Variants in VIT observed in about 807,000 individuals in gnomAD.
The protein encoded by VIT is vitrin.
Under a neutral mutation model 78.0 loss-of-function variants are expected in VIT, and 99 were observed. That is an observed-to-expected ratio of 1.27 (90% CI 1.08 to 1.50). The LOEUF is 1.50. VIT is among the 40% of genes most tolerant of loss of function. VIT has a pLI of 0.00. For synonymous variants in VIT, 374 were observed against 334.3 expected, an observed-to-expected ratio of 1.12 and a Z score of -1.29; for missense variants, 1,126 against 875.3, an observed-to-expected ratio of 1.29 and a Z score of -3.61.
chr2:36,731,430 C>T (rs1012959211), intron 3 of VIT, among the ~76,000 whole-genome samples: 10 of 151,990 alleles, frequency 6.6e-5, no homozygotes, highest in African/African-American at 2.4e-4. Context: ...CCCGCCACCA[C>T]ACCCGGCTAA....
chr2:36,742,247 A>G (rs1228693061), intron 3 of VIT, among the ~76,000 whole-genome samples: 1 of 152,162 alleles, frequency 6.6e-6, no homozygotes, highest in Non-Finnish European at 1.5e-5. Context: ...CAGTCAATAG[A>G]GCATCTACTC....
chr2:36,808,594 C>A lies in VIT; in HGVS notation c.1512C>A (p.Thr504=), dbSNP rs200059174. The part of the protein sequence containing the change: ...CDTDRLACSK[T]CLNSADIGFV... ...CTGACCGCCTGGCCTGCAGCAAGAC[C>A]TGCTTGAACTCGGCTGACATTGGCT... Residue 504 remains threonine, a synonymous_variant, in exon 15 of 16, where the codon ACC becomes ACA. Transcript: ENST00000379242. 5 of 1,614,204 alleles carry A rather than the reference C, an allele frequency of 3.1e-6. No homozygotes were observed. Among genetic ancestry groups the A allele is most frequent in the African/African-American group, 1.3e-5 (1 of 75,056 alleles).
intron 1 of VIT, among the ~76,000 whole-genome samples, chr2:36,703,986 A>T (rs1385921966): frequency 4.7e-5 from 7 of 147,470 alleles, no homozygotes; most frequent in Non-Finnish European, 7.4e-5. Flanking sequence ...GTGCAGTGGC[A>T]CGATCTCGGC....
chr2:36,764,436 C>T (rs1341289571), intron 6 of VIT, among the ~76,000 whole-genome samples: 1 of 152,152 alleles, frequency 6.6e-6, no homozygotes, highest in African/African-American at 2.4e-5. Context: ...AGAAACTTCC[C>T]TAGTACTTGT....
chr2:36,735,657 C>T (rs150042942), intron 3 of VIT, among the ~76,000 whole-genome samples: 49 of 152,374 alleles, frequency 3.2e-4, no homozygotes, highest in African/African-American at 1.2e-3. Flanking sequence ...ACACCAGATG[C>T]TGCCCTGAGG....
chr2:36,736,338 A>C (rs1436086882), intron 3 of VIT, among the ~76,000 whole-genome samples: 5 of 152,212 alleles, frequency 3.3e-5, no homozygotes, highest in African/African-American at 9.6e-5. Context: ...TACTCATTCA[A>C]AAAAGGCCTA....
At chr2:36,716,279 C>A in intron 1 of VIT, 74 bp from the exon 2 acceptor site, 1 of 1,252,402 alleles carries the variant, frequency 8.0e-7, no homozygotes, top group Non-Finnish European at 1.2e-6. Flanking sequence ...TGCAGTCTAT[C>A]CCCACACACT....
chr2:36,779,695 C>T (rs1301819818), intron 9 of VIT, among the ~76,000 whole-genome samples: 1 of 152,204 alleles, frequency 6.6e-6, no homozygotes, highest in African/African-American at 2.4e-5. Context: ...TCAGCTCCCA[C>T]TTGTAAGTGA....
chr2:36,786,995 C>G lies in VIT; in HGVS notation c.911-134C>G, dbSNP rs903900359. On this transcript the variant is annotated intron_variant, in intron 11 of 15. Coordinates refer to ENST00000379242, the MANE Select transcript of VIT (RefSeq NM_053276.4). ...CCTGTGGGATGTAAATAAATATACC[C>G]TGCATCTTCCTACCTCTTTTTCCCT... The G allele has an allele frequency of 5.8e-5, 65 of 1,118,222 alleles. No individual in the cohort carries two copies. The Admixed American group carries it at 1.2e-3, about 20-fold the overall frequency. The allele number at this position is 1,118,222 out of a possible 1,614,324, so 69.3% of individuals were successfully genotyped here. A position where few individuals can be genotyped will look rare whatever the true frequency, so the allele number is the denominator to read the frequency against.
intron 7 of VIT, among the ~76,000 whole-genome samples, chr2:36,770,946 C>T (rs1002537355): frequency 1.8e-4 from 27 of 152,164 alleles, no homozygotes; most frequent in African/African-American, 6.3e-4. Flanking sequence ...CCCTGGGCTC[C>T]ACCTTCTGAC....
Position 36,808,755 on chromosome 2 carries a change from A to G in VIT, c.1673A>G (p.Gln558Arg). 1 of 1,614,050 alleles carries G rather than the reference A, an allele frequency of 6.2e-7. No individual in the cohort carries two copies. The highest frequency in any genetic ancestry group is 8.5e-7 in the Non-Finnish European group (1 of 1,179,914). ...GGGGCCGTGCAGTACACCTACGAAC[A>G]GCGGCTGGAGTTTGGGTTCGACAAG... Reference protein sequence around the residue: ...RIGAVQYTYEQRLEFGFDKYS... With the variant: ...RIGAVQYTYERRLEFGFDKYS... The change falls in exon 15 of 16, where the codon CAG (glutamine) becomes CGG (arginine). Residue 558 changes from glutamine to arginine, a missense_variant. Gln to Arg is a conservative substitution (Grantham distance 43). Coordinates refer to ENST00000379242, the MANE Select transcript of VIT (RefSeq NM_053276.4).
Position 36,758,399 on chromosome 2 carries a change from T to C in VIT, c.410-570T>C, listed in dbSNP as rs555187034. Among the ~76,000 whole-genome samples the C allele has an allele frequency of 9.2e-5, 14 of 152,366 alleles. No individual in the cohort carries two copies. In the South Asian group the frequency reaches 2.5e-3, roughly 27 times the overall value. On this transcript the variant is annotated intron_variant, in intron 5 of 15. Transcript: ENST00000379242. Reference sequence around the variant, plus strand: ...GAAGAAGACTTTGGCAATTTTTTTATGCTTATTTTTTTCCCTAATAGACGT... The same window carrying C: ...GAAGAAGACTTTGGCAATTTTTTTACGCTTATTTTTTTCCCTAATAGACGT...
At chr2:36,795,569 C>T (rs983782002) in intron 12 of VIT, among the ~76,000 whole-genome samples, 1 of 151,808 alleles carries the variant, frequency 6.6e-6, no homozygotes, top group African/African-American at 2.4e-5. Flanking sequence ...CATGCCACCA[C>T]GCCCGGCTAA....
intron 15 of VIT, 143 bp downstream of exon 15, chr2:36,809,128 T>G (rs1666968847): frequency 2.1e-5 from 25 of 1,194,708 alleles, no homozygotes; most frequent in Non-Finnish European, 2.5e-5. Flanking sequence ...AGGGAGGGCA[T>G]TAGGGGTAGA....
chr2:36,802,567 G>C (rs1403915173), intron 13 of VIT, among the ~76,000 whole-genome samples: 1 of 152,150 alleles, frequency 6.6e-6, no homozygotes, highest in African/African-American at 2.4e-5. Context: ...ATAAACACTA[G>C]CCAAGTCACT....
At chr2:36,770,063 C>G (rs1558556667) in intron 7 of VIT, among the ~76,000 whole-genome samples, 1 of 152,170 alleles carries the variant, frequency 6.6e-6, no homozygotes, top group African/African-American at 2.4e-5. Context: ...GATTTTTCCT[C>G]TTATATATGT....
intron 4 of VIT, among the ~76,000 whole-genome samples, chr2:36,752,326 T>A (rs545010146): frequency 3.9e-4 from 60 of 152,244 alleles, no homozygotes; most frequent in African/African-American, 1.4e-3. Flanking sequence ...CTCTGACCAG[T>A]GCCCACCCTC....
At chr2:36,796,795 A>G (rs1382298781) in intron 12 of VIT, among the ~76,000 whole-genome samples, 1 of 152,042 alleles carries the variant, frequency 6.6e-6, no homozygotes, top group Non-Finnish European at 1.5e-5. Flanking sequence ...GAACCTTTAT[A>G]TTTTTGCTTT....
At chr2:36,774,892 G>A (rs1362496985) in intron 8 of VIT, 110 bp from the exon 9 acceptor site, 14 of 1,532,784 alleles carry the variant, frequency 9.1e-6, no homozygotes, top group African/African-American at 4.1e-5. Flanking sequence ...GAGCTCGGCC[G>A]ACTTCCAAGG....
Sources: gnomAD v4.1 joint callset for allele counts (sites outside exome capture counted in the v4.1 genomes callset) on GRCh38, gnomAD v4.1.1 for gene constraint, MANE v1.5 for transcripts, NCBI Gene and HGNC (gene_info 2026-07-23, HGNC 2026-07-21) for gene names.